The following PDE10A variants were observed in gnomAD, a reference collection of about 807,000 sequenced individuals.
PDE10A encodes phosphodiesterase 10A.
Under a neutral mutation model 97.7 loss-of-function variants are expected in PDE10A, and 39 were observed. The observed-to-expected ratio is 0.40, with a 90% CI of 0.31 to 0.52. The LOEUF is 0.52. Ranked by LOEUF, PDE10A falls within the 20% of genes least tolerant of loss-of-function variation. PDE10A has a pLI of 0.56. For missense variants in PDE10A, 731 were observed against 1,047.8 expected (o/e 0.70, Z 4.17); for synonymous variants, 371 against 376.8 (o/e 0.98, Z 0.18).
chr6:165,566,846 T>C (rs985645544), intron 1 of PDE10A, among the ~76,000 whole-genome samples: 3 of 152,196 alleles, frequency 2.0e-5, no homozygotes, highest in African/African-American at 7.2e-5. Context: ...TGTCATACAC[T>C]ATTAGTAAGA....
chr6:165,584,264 T>C (rs1006073283), intron 1 of PDE10A, among the ~76,000 whole-genome samples: 1 of 152,194 alleles, frequency 6.6e-6, no homozygotes, highest in African/African-American at 2.4e-5. Context: ...GGACTCAGGC[T>C]TCCCTGACCC....
At chr6:165,741,779 A>G (rs1000687961) in intron 1 of PDE10A, among the ~76,000 whole-genome samples, 8 of 152,316 alleles carry the variant, frequency 5.3e-5, no homozygotes, top group Non-Finnish European at 1.0e-4. Context: ...TTGTGGGCAA[A>G]TAGCAAGGTT....
intron 1 of PDE10A, among the ~76,000 whole-genome samples, chr6:165,905,938 A>T (rs1036399514): frequency 4.7e-5 from 7 of 149,214 alleles, no homozygotes; most frequent in Admixed American, 2.0e-4. Context: ...TTATAAAACA[A>T]TTTTTTTCCT....
chr6:165,549,614 A>G (rs1350784883), intron 1 of PDE10A, among the ~76,000 whole-genome samples: 1 of 152,106 alleles, frequency 6.6e-6, no homozygotes, highest in Non-Finnish European at 1.5e-5. Flanking sequence ...GTGAGCCACC[A>G]TGCGCGGCTG....
chr6:165,529,462 C>T (rs1782644928), intron 2 of PDE10A, among the ~76,000 whole-genome samples: 1 of 152,164 alleles, frequency 6.6e-6, no homozygotes, highest in African/African-American at 2.4e-5. Flanking sequence ...AGGGAAAAAA[C>T]CATGACCTGC....
chr6:165,891,530 C>G lies in PDE10A; in HGVS notation c.-615+95999G>C, dbSNP rs56300644. On this transcript the variant is annotated intron_variant, in intron 1 of 19. Transcript: ENST00000366882. ...CCTCACCAGGGTCTCTGATGGGGCCCTTGTCCAGCCTGGAACACTGGCTGC... is the reference window on the plus strand; with the variant it reads ...CCTCACCAGGGTCTCTGATGGGGCCGTTGTCCAGCCTGGAACACTGGCTGC... Among the ~76,000 whole-genome samples the G allele has an allele frequency of 4.9e-3, 751 of 152,196 alleles. 1 individual carries two copies. Among genetic ancestry groups the G allele is most frequent in the Non-Finnish European group, 7.5e-3 (513 of 67,994 alleles).
At chr6:165,714,514 A>G (rs1791978611) in intron 1 of PDE10A, among the ~76,000 whole-genome samples, 2 of 152,190 alleles carry the variant, frequency 1.3e-5, no homozygotes, top group Admixed American at 1.3e-4. Context: ...AAATAAATTC[A>G]AGGCTGGTAG....
At chr6:165,343,247 A>T (rs11753599) in intron 19 of PDE10A, 144 bp downstream of exon 19, 5 of 642,842 alleles carry the variant, frequency 7.8e-6, no homozygotes, top group Non-Finnish European at 1.4e-5. Flanking sequence ...TTGTATCTGC[A>T]TAAGTGCTAA....
rs982384516 is a variant in PDE10A, at chr6:165,346,141, G to A, written c.2784-2639C>T. ...AATCTTGGTGTCTTTTCCCAGAGGAGTGGCCTGATACAGGTATTAAAGAGG... is the reference window on the plus strand; with the variant it reads ...AATCTTGGTGTCTTTTCCCAGAGGAATGGCCTGATACAGGTATTAAAGAGG... On this transcript the variant is annotated intron_variant, in intron 18 of 21. Coordinates refer to ENST00000539869, the MANE Select transcript of PDE10A (RefSeq NM_001385079.1). Among the ~76,000 whole-genome samples the A allele has an allele frequency of 2.0e-5, 3 of 152,298 alleles. No homozygotes were observed. In the East Asian group the frequency reaches 5.8e-4, roughly 29 times the overall value.
At chr6:165,413,772 A>C in intron 12 of PDE10A, 85 bp from the exon 13 acceptor site, 1 of 1,070,138 alleles carries the variant, frequency 9.3e-7, no homozygotes, top group Non-Finnish European at 1.4e-6. Context: ...ATCTCCCCTC[A>C]ATCTTTGCAA....
chr6:165,422,466 T>TACACACACGCAC (rs3839485), intron 10 of PDE10A, among the ~76,000 whole-genome samples: 1 of 147,676 alleles, frequency 6.8e-6, no homozygotes. Context: ...CACACAGGCA[T>TACACACACGCAC]ACACACATAC....
chr6:165,696,537 T>G (rs1358622689), intron 1 of PDE10A, among the ~76,000 whole-genome samples: 1 of 151,974 alleles, frequency 6.6e-6, no homozygotes, highest in Non-Finnish European at 1.5e-5. Context: ...GTTTTAGGGA[T>G]CCACTGGGGG....
intron 1 of PDE10A, among the ~76,000 whole-genome samples, chr6:165,618,566 C>T (rs1787831246): frequency 6.6e-6 from 1 of 152,176 alleles, no homozygotes; most frequent in Non-Finnish European, 1.5e-5. Flanking sequence ...CGGGACTTAA[C>T]ACAGCCCTTT....
At chr6:165,618,648 G>C (rs1452610805) in intron 1 of PDE10A, among the ~76,000 whole-genome samples, 1 of 152,140 alleles carries the variant, frequency 6.6e-6, no homozygotes, top group African/African-American at 2.4e-5. Context: ...TCCAACAAGG[G>C]GGTAGTTGGT....
chr6:165,767,451 C>T (rs1009264421), intron 1 of PDE10A, among the ~76,000 whole-genome samples: 2 of 152,220 alleles, frequency 1.3e-5, no homozygotes, highest in Admixed American at 1.3e-4. Context: ...ATTCCTCCTG[C>T]ACCCTGTCCC....
intron 2 of PDE10A, among the ~76,000 whole-genome samples, chr6:165,519,978 CAAGT>C (rs1782036060): frequency 6.6e-6 from 1 of 152,108 alleles, no homozygotes; most frequent in Non-Finnish European, 1.5e-5. Context: ...TTCAGAAAAT[CAAGT>C]AAGTGGAAAG....
chr6:165,521,171 G>C (rs967982961), intron 2 of PDE10A, among the ~76,000 whole-genome samples: 3 of 152,012 alleles, frequency 2.0e-5, no homozygotes, highest in Non-Finnish European at 4.4e-5. Context: ...TCATTGTTTG[G>C]AGAGCTACAA....
chr6:165,734,950 GTAGA>G (rs60771144), intron 1 of PDE10A, among the ~76,000 whole-genome samples: 31,122 of 150,602 alleles, frequency 0.21, 3,210 homozygotes, highest in South Asian at 0.25. Flanking sequence ...CAATAAGAAA[GTAGA>G]TAGATAGATA....
At chr6:165,663,792 G>T (rs1172421183), upstream of PDE10A, among the ~76,000 whole-genome samples, 1 of 152,222 alleles carries the variant, frequency 6.6e-6, no homozygotes, top group Non-Finnish European at 1.5e-5. Flanking sequence ...GAGCAAGACT[G>T]TGCGATCATT....
Sources: gnomAD v4.1 joint callset for allele counts (sites outside exome capture counted in the v4.1 genomes callset) on GRCh38, gnomAD v4.1.1 for gene constraint, MANE v1.5 for transcripts, NCBI Gene and HGNC (gene_info 2026-07-23, HGNC 2026-07-21) for gene names.